Variants in PPP2R1B observed in about 807,000 individuals in gnomAD.
The protein encoded by PPP2R1B is serine/threonine-protein phosphatase 2A 65 kDa regulatory subunit A beta isoform.
In PPP2R1B, 58 loss-of-function variants were observed where a neutral mutation model predicts 72.7. The observed-to-expected ratio is 0.80, with a 90% CI of 0.65 to 0.99. The LOEUF is 0.99. Among genes scored for constraint, PPP2R1B ranks in the 50% least tolerant of loss-of-function variants. PPP2R1B has a pLI of 0.00. For missense variants in PPP2R1B, 695 were observed against 733.6 expected (o/e 0.95, Z 0.61); for synonymous variants, 256 against 264.6 (o/e 0.97, Z 0.32).
At chr11:111,732,129 C>T (rs1290287384) in intron 15 of PPP2R1B, among the ~76,000 whole-genome samples, 1 of 152,246 alleles carries the variant, frequency 6.6e-6, no homozygotes, top group Admixed American at 6.5e-5. Flanking sequence ...CTGCACTTCC[C>T]AAGTTCTCCA....
intron 15 of PPP2R1B, chr11:111,727,456 C>T (rs977309917): frequency 9.8e-6 from 2 of 204,916 alleles, no homozygotes; most frequent in East Asian, 2.2e-4. Context: ...CAGCCCTTGC[C>T]TCTTGTGTCC....
Position 111,738,287 on chromosome 11 carries a change from A to G in PPP2R1B, c.*3309T>C, listed in dbSNP as rs1037096368. Reference sequence around the variant, plus strand: ...GAAGCTTTACGATAAGAGTGTCACCATTTTTAAAAGTCAGAGGAATTTAAG... The same window carrying G: ...GAAGCTTTACGATAAGAGTGTCACCGTTTTTAAAAGTCAGAGGAATTTAAG... On this transcript the variant is annotated 3_prime_UTR_variant, in exon 15 of 15. Transcript: ENST00000527614. 5.1e-6 allele frequency: 5 copies of G among 985,372 alleles called. No individual in the cohort carries two copies. The African/African-American group carries it at 5.2e-5, about 10-fold the overall frequency. 61.0% of individuals were successfully genotyped at this position (985,372 alleles called of 1,614,324 possible). A position where few individuals can be genotyped will look rare whatever the true frequency, so the allele number is the denominator to read the frequency against.
the PPP2R1B span, among the ~76,000 whole-genome samples, chr11:111,715,231 CGTTT>C: frequency 6.6e-6 from 1 of 152,190 alleles, no homozygotes. Context: ...CTTTGTGGAC[CGTTT>C]TATTTATGTC....
chr11:111,714,125 C>T, the PPP2R1B span, among the ~76,000 whole-genome samples: 8 of 152,158 alleles, frequency 5.3e-5, no homozygotes, highest in Middle Eastern at 3.4e-3. Context: ...GGCTGGAAAC[C>T]GGGGGTGAGG....
the PPP2R1B span, chr11:111,721,773 C>T: frequency 6.5e-6 from 9 of 1,389,364 alleles, no homozygotes; most frequent in Non-Finnish European, 6.9e-6. Context: ...CAGCTAAGAA[C>T]TGAGACGTTT....
Position 111,739,133 on chromosome 11 carries a change from T to C in PPP2R1B, c.*2463A>G. On this transcript the variant is annotated 3_prime_UTR_variant, in exon 15 of 15. Coordinates refer to ENST00000527614, the MANE Select transcript of PPP2R1B (RefSeq NM_002716.5). ...TAAGACACAGTCTGGTTCTTTTGAT[T>C]ATTTGTTCCATGCACACATTGGAGG... is the stretch of plus-strand genomic sequence containing the variant. 1.0e-6 allele frequency: 1 copy of C among 985,418 alleles called. No individual in the cohort carries two copies. Among genetic ancestry groups the C allele is most frequent in the South Asian group, 4.7e-5 (1 of 21,290 alleles). 61.0% of individuals were successfully genotyped at this position (985,418 alleles called of 1,614,324 possible). A position where few individuals can be genotyped will look rare whatever the true frequency, so the allele number is the denominator to read the frequency against.
At chr11:111,746,473 AG>A (rs1436931933) in intron 11 of PPP2R1B, among the ~76,000 whole-genome samples, 1 of 152,102 alleles carries the variant, frequency 6.6e-6, no homozygotes, top group African/African-American at 2.4e-5. Flanking sequence ...GAGGCCTATC[AG>A]GGGGTGAGGG....
chr11:111,731,024 AAAT>A (rs1483102799), intron 15 of PPP2R1B, among the ~76,000 whole-genome samples: 1 of 152,238 alleles, frequency 6.6e-6, no homozygotes, highest in African/African-American at 2.4e-5. Context: ...TCAGCAGGGT[AAAT>A]AATACCTTGC....
At chr11:111,703,181 T>C in the PPP2R1B span, 4 of 1,609,368 alleles carry the variant, frequency 2.5e-6, no homozygotes, top group South Asian at 1.1e-5. Flanking sequence ...TTGTGACTTT[T>C]GTAACATTGT....
At chr11:111,732,353 A>T (rs1482554688) in intron 15 of PPP2R1B, among the ~76,000 whole-genome samples, 2 of 152,130 alleles carry the variant, frequency 1.3e-5, no homozygotes, top group Non-Finnish European at 2.9e-5. Context: ...CCCCCTCCCC[A>T]CCAGGGACCA....
chr11:111,746,023 T>A (rs1260850122), intron 11 of PPP2R1B, among the ~76,000 whole-genome samples: 1 of 152,230 alleles, frequency 6.6e-6, no homozygotes, highest in East Asian at 1.9e-4. Context: ...GGGTTTCTCC[T>A]GCTCCCAAAC....
At chr11:111,718,171 A>G in the PPP2R1B span, among the ~76,000 whole-genome samples, 9 of 152,340 alleles carry the variant, frequency 5.9e-5, no homozygotes, top group South Asian at 1.9e-3. Context: ...TGCTCAATAG[A>G]TAATTAATTA....
At chr11:111,730,465 T>C (rs1944150202) in intron 15 of PPP2R1B, 2 of 152,260 alleles carry the variant, frequency 1.3e-5, no homozygotes, top group Non-Finnish European at 2.9e-5. Context: ...CAGAGATATC[T>C]GCACTTTGTA....
At chr11:111,720,103 G>A in the PPP2R1B span, 1 of 1,154,008 alleles carries the variant, frequency 8.7e-7, no homozygotes, top group South Asian at 1.4e-5. Context: ...CTAAAATTGA[G>A]TCGATAGCTT....
At chr11:111,747,076 A>G (rs529451705) in intron 11 of PPP2R1B, among the ~76,000 whole-genome samples, 21 of 152,324 alleles carry the variant, frequency 1.4e-4, no homozygotes, top group African/African-American at 5.1e-4. Flanking sequence ...CTAAATACAT[A>G]TATCAAGTAT....
chr11:111,698,710 C>T, the PPP2R1B span, among the ~76,000 whole-genome samples: 1 of 151,976 alleles, frequency 6.6e-6, no homozygotes, highest in Non-Finnish European at 1.5e-5. Flanking sequence ...GACCCTATCT[C>T]AAAAAAGAAA....
In PPP2R1B at chr11:111,738,976, GA is replaced by G; in HGVS notation, c.*2619del. The stretch of plus-strand genomic sequence containing the variant: ...ACAACTGATGTAAGCTGCCAAGGAT[GA>G]AAAACAACATTACATGTCTGAAGCA... On this transcript the variant is annotated 3_prime_UTR_variant, in exon 15 of 15. Coordinates refer to ENST00000527614, the MANE Select transcript of PPP2R1B (RefSeq NM_002716.5). 1.0e-6 allele frequency: 1 copy of G among 984,488 alleles called. No homozygotes were observed. The highest frequency in any genetic ancestry group is 1.2e-6 in the Non-Finnish European group (1 of 829,920). 61.0% of individuals were successfully genotyped at this position (984,488 alleles called of 1,614,324 possible).
rs527388256 is a variant in PPP2R1B, at chr11:111,731,699, G to A, written c.1912-4642C>T. Among the ~76,000 whole-genome samples the A allele has an allele frequency of 9.0e-4, 137 of 152,352 alleles. 1 individual carries two copies. Among genetic ancestry groups the A allele is most frequent in the African/African-American group, 3.2e-3 (134 of 41,576 alleles). ...AGTCGGCAGGGCCCACACTGGCAGA[G>A]GCTGGAAGGAGCGGAGCCCTCTCCA... On this transcript the variant is annotated intron_variant, in intron 15 of 15. Transcript: ENST00000311129.
At chr11:111,721,035 C>A in the PPP2R1B span, 1 of 1,613,800 alleles carries the variant, frequency 6.2e-7, no homozygotes, top group South Asian at 1.1e-5. Flanking sequence ...CTCCTCAGCT[C>A]CAGGACCTTG....
Sources: gnomAD v4.1 joint callset for allele counts (sites outside exome capture counted in the v4.1 genomes callset) on GRCh38, gnomAD v4.1.1 for gene constraint, MANE v1.5 for transcripts, NCBI Gene and HGNC (gene_info 2026-07-23, HGNC 2026-07-21) for gene names.